Variants in MTUS2 observed in about 807,000 individuals in gnomAD.
The protein encoded by MTUS2 is microtubule-associated tumor suppressor candidate 2.
A neutral mutation model predicts 114.1 loss-of-function variants in MTUS2; 40 were observed. The observed-to-expected ratio is 0.35, with a 90% CI of 0.27 to 0.46. The LOEUF (loss-of-function observed/expected upper bound fraction) is 0.46. MTUS2 is among the 20% of genes least tolerant of loss of function. The pLI is 1.00. For synonymous variants in MTUS2, 688 were observed against 672.0 expected, an observed-to-expected ratio of 1.02 and a Z score of -0.37; for missense variants, 1,679 against 1,705.4, an observed-to-expected ratio of 0.98 and a Z score of 0.27.
intron 2 of MTUS2, among the ~76,000 whole-genome samples, chr13:28,894,357 TGA>T (rs150604080): frequency 3.6e-4 from 20 of 55,758 alleles, no homozygotes; most frequent in Non-Finnish European, 2.7e-4. Flanking sequence ...AGAGTGAGAG[TGA>T]GAGAGAGAGA....
At chr13:29,059,228 AT>A (rs35369352) in intron 4 of MTUS2, among the ~76,000 whole-genome samples, 2,211 of 97,188 alleles carry the variant, frequency 0.023, 42 homozygotes, top group African/African-American at 0.079. Context: ...TATTCTTTGG[AT>A]TTTTTTTTTT....
chr13:28,942,727 T>TAA (rs1882313648), intron 2 of MTUS2, among the ~76,000 whole-genome samples: 1 of 152,194 alleles, frequency 6.6e-6, no homozygotes, highest in African/African-American at 2.4e-5. Context: ...ATGATTTCAG[T>TAA]TTTTATCAAG....
At chr13:28,914,159 G>A (rs773795113) in intron 2 of MTUS2, among the ~76,000 whole-genome samples, 3 of 151,152 alleles carry the variant, frequency 2.0e-5, no homozygotes, top group South Asian at 2.1e-4. Context: ...CTAGCTTTGC[G>A]GTTCTCTAGT....
chr13:28,949,439 C>T, intron 2 of MTUS2, among the ~76,000 whole-genome samples: 1 of 152,324 alleles, frequency 6.6e-6, no homozygotes. Context: ...ATCCAATTCT[C>T]ATAATGTTTT....
chr13:28,933,242 A>G (rs971611273), intron 2 of MTUS2, among the ~76,000 whole-genome samples: 1 of 152,008 alleles, frequency 6.6e-6, no homozygotes, highest in Non-Finnish European at 1.5e-5. Flanking sequence ...TGAGATTTGT[A>G]GGGCAGGCTG....
At chr13:28,828,524 G>A (rs888423644) in intron 1 of MTUS2, among the ~76,000 whole-genome samples, 31 of 152,160 alleles carry the variant, frequency 2.0e-4, no homozygotes, top group African/African-American at 7.2e-4. Context: ...GTAAAGACAG[G>A]TGTAAGAAAT....
chr13:29,297,582 A>C (rs1259157827), intron 6 of MTUS2, among the ~76,000 whole-genome samples: 2 of 152,174 alleles, frequency 1.3e-5, no homozygotes, highest in East Asian at 3.9e-4. Context: ...ATTGCATTTT[A>C]CTGAAGTTAC....
At chr13:29,274,641 T>C (rs1897995388) in intron 5 of MTUS2, among the ~76,000 whole-genome samples, 1 of 152,200 alleles carries the variant, frequency 6.6e-6, no homozygotes, top group Non-Finnish European at 1.5e-5. Flanking sequence ...TGTACTTATT[T>C]CCCATTTGTA....
intron 5 of MTUS2, among the ~76,000 whole-genome samples, chr13:29,129,700 G>C (rs1891674279): frequency 6.6e-6 from 1 of 152,152 alleles, no homozygotes; most frequent in South Asian, 2.1e-4. Context: ...GATTGTGAGT[G>C]AAAGGACAAC....
rs111532633 is a variant in MTUS2, at chr13:29,476,571, T to A, written c.3185-3579T>A. ...TCACATACCATACAACCCACCCATT[T>A]AAGTATACAATGTGGTGGTTTTCAG... On this transcript the variant is annotated intron_variant, in intron 9 of 15. Coordinates refer to ENST00000612955, the MANE Select transcript of MTUS2 (RefSeq NM_001033602.4). 2.6e-5 allele frequency: 4 copies of A among 152,096 alleles called. No homozygotes were observed. In the East Asian group the frequency reaches 5.8e-4, roughly 22 times the overall value. 9.4% of individuals were successfully genotyped at this position (152,096 alleles called of 1,614,324 possible). A position where few individuals can be genotyped will look rare whatever the true frequency, so the allele number is the denominator to read the frequency against.
intron 5 of MTUS2, among the ~76,000 whole-genome samples, chr13:29,120,257 T>TG (rs1891252435): frequency 6.6e-6 from 1 of 152,062 alleles, no homozygotes; most frequent in South Asian, 2.1e-4. Flanking sequence ...AAGGTATTCA[T>TG]ATCATGAATA....
chr13:28,893,394 G>C (rs1879047504), intron 2 of MTUS2, among the ~76,000 whole-genome samples: 1 of 152,160 alleles, frequency 6.6e-6, no homozygotes, highest in Admixed American at 6.5e-5. Flanking sequence ...AAGTGGCACA[G>C]GGCAAACATA....
At chr13:29,349,760 A>T (rs1483424532) in intron 7 of MTUS2, among the ~76,000 whole-genome samples, 1 of 152,068 alleles carries the variant, frequency 6.6e-6, no homozygotes, top group Non-Finnish European at 1.5e-5. Context: ...CTTTGTACAT[A>T]ATGTGTCTTT....
At chr13:28,862,373 G>A (rs1292310445) in intron 2 of MTUS2, among the ~76,000 whole-genome samples, 3 of 152,248 alleles carry the variant, frequency 2.0e-5, no homozygotes, top group African/African-American at 7.2e-5. Context: ...CACTTTGGAA[G>A]GCCGAGGCGG....
At position 28,836,839 on chromosome 13, in the gene MTUS2, G is replaced by A. The variant is rs75038037; in HGVS notation, c.-315-2939G>A. Among the ~76,000 whole-genome samples the A allele has an allele frequency of 5.4e-3, 820 of 152,284 alleles. 6 individuals carry two copies. Among genetic ancestry groups the A allele is most frequent in the South Asian group, 0.023 (113 of 4,824 alleles). On this transcript the variant is annotated intron_variant, in intron 1 of 15. Coordinates refer to ENST00000612955, the MANE Select transcript of MTUS2 (RefSeq NM_001033602.4). ...CATGTTATTTGAGGGCACCTACAAG[G>A]GGCTTTAGAATGCATTTCATATTAG...
intron 2 of MTUS2, among the ~76,000 whole-genome samples, chr13:29,014,828 C>G (rs371708136): frequency 1.5e-4 from 23 of 152,202 alleles, no homozygotes; most frequent in African/African-American, 5.6e-4. Flanking sequence ...TCAAGATGTT[C>G]CCCTCGCTGC....
intron 4 of MTUS2, among the ~76,000 whole-genome samples, chr13:29,046,355 G>A (rs1021031823): frequency 1.3e-5 from 2 of 152,112 alleles, no homozygotes; most frequent in Non-Finnish European, 2.9e-5. Context: ...AGCTCAAGCT[G>A]TTGTCCTGCC....
At chr13:29,112,205 G>C (rs1890909102) in intron 5 of MTUS2, among the ~76,000 whole-genome samples, 1 of 152,194 alleles carries the variant, frequency 6.6e-6, no homozygotes, top group Non-Finnish European at 1.5e-5. Context: ...AATGGGAAGA[G>C]GGAAGCTGAC....
At position 29,460,762 on chromosome 13, in the gene MTUS2, G is replaced by A. The variant is rs1007129701; in HGVS notation, c.3185-19388G>A. 2.0e-5 allele frequency among the ~76,000 whole-genome samples: 3 copies of A among 152,260 alleles called. No homozygotes were observed. In the East Asian group the frequency reaches 5.8e-4, roughly 29 times the overall value. ...AGGCCCAGGAAAGGCTCAAAGTGTG[G>A]TCCTTCTTTACAGTTACTCAACTTT... On this transcript the variant is annotated intron_variant, in intron 9 of 15. Coordinates refer to ENST00000612955, the MANE Select transcript of MTUS2 (RefSeq NM_001033602.4).
Sources: gnomAD v4.1 joint callset for allele counts (sites outside exome capture counted in the v4.1 genomes callset) on GRCh38, gnomAD v4.1.1 for gene constraint, MANE v1.5 for transcripts, NCBI Gene and HGNC (gene_info 2026-07-23, HGNC 2026-07-21) for gene names.